Variants in KAZN observed in about 807,000 individuals in gnomAD.
The protein encoded by KAZN is kazrin.
Under a neutral mutation model 87.4 loss-of-function variants are expected in KAZN, and 40 were observed. The observed-to-expected ratio is 0.46, with a 90% CI of 0.36 to 0.60. The LOEUF (loss-of-function observed/expected upper bound fraction) is 0.60, where lower values mean the gene tolerates loss of function less well. KAZN is among the 20% of genes least tolerant of loss of function. The pLI is 0.00. For missense variants in KAZN, 898 were observed against 1,073.9 expected (o/e 0.84, Z 2.29); for synonymous variants, 466 against 458.3 (o/e 1.02, Z -0.22).
At chr1:14,652,648 CCCATCCACCCACCCACCCACCCAT>C (rs1638510331) in intron 1 of KAZN, among the ~76,000 whole-genome samples, 2 of 56,210 alleles carry the variant, frequency 3.6e-5, no homozygotes, top group Non-Finnish European at 6.7e-5. Flanking sequence ...CATCCATCCA[CCCATCCACCCACCCACCCACCCAT>C]CCATCCACCC....
At chr1:14,629,659 G>A (rs969462206) in intron 1 of KAZN, among the ~76,000 whole-genome samples, 2 of 152,198 alleles carry the variant, frequency 1.3e-5, no homozygotes, top group African/African-American at 4.8e-5. Flanking sequence ...CCACTAGGTA[G>A]GAGCTCACTC....
At chr1:14,062,332 A>G (rs189812860) in intron 1 of KAZN, among the ~76,000 whole-genome samples, 237 of 152,278 alleles carry the variant, frequency 1.6e-3, no homozygotes, top group African/African-American at 5.5e-3. Flanking sequence ...TACTTTGGTT[A>G]AAGGCTTAAT....
At chr1:14,435,144 T>C (rs1275184918) in intron 2 of KAZN, among the ~76,000 whole-genome samples, 9 of 152,134 alleles carry the variant, frequency 5.9e-5, no homozygotes, top group Non-Finnish European at 8.8e-5. Flanking sequence ...CCCTCCAGCA[T>C]CGGTGGCGCT....
chr1:15,078,730 A>G (rs1484050390), intron 8 of KAZN, among the ~76,000 whole-genome samples: 1 of 152,316 alleles, frequency 6.6e-6, no homozygotes, highest in East Asian at 1.9e-4. Context: ...TGCAGCGCGC[A>G]TGCTGTTCCT....
At chr1:14,671,553 T>C (rs527613364) in intron 1 of KAZN, among the ~76,000 whole-genome samples, 2 of 152,304 alleles carry the variant, frequency 1.3e-5, no homozygotes, top group South Asian at 4.1e-4. Flanking sequence ...TCGTCAAGGC[T>C]ATGAGATAGG....
At chr1:14,215,487 T>C (rs2100471705) in intron 2 of KAZN, among the ~76,000 whole-genome samples, 1 of 152,314 alleles carries the variant, frequency 6.6e-6, no homozygotes, top group Middle Eastern at 3.4e-3. Flanking sequence ...GATTCAAAGG[T>C]CTACTAATAT....
intron 2 of KAZN, among the ~76,000 whole-genome samples, chr1:14,218,694 AAAT>A (rs775395769): frequency 4.6e-5 from 7 of 152,138 alleles, no homozygotes; most frequent in African/African-American, 9.7e-5. Flanking sequence ...TCATTTTTGA[AAAT>A]AATAACCACT....
chr1:14,694,589 T>C (rs1028626074), intron 1 of KAZN, among the ~76,000 whole-genome samples: 1 of 152,084 alleles, frequency 6.6e-6, no homozygotes, highest in Non-Finnish European at 1.5e-5. Context: ...CAAATGACCA[T>C]CTAGGAGGAA....
chr1:14,723,010 C>T (rs146310671), intron 1 of KAZN, among the ~76,000 whole-genome samples: 222 of 152,080 alleles, frequency 1.5e-3, no homozygotes, highest in Admixed American at 2.8e-3. Context: ...CCTGTGTTTC[C>T]AGCTGCTTGG....
At chr1:14,422,510 T>C (rs925647823) in intron 2 of KAZN, among the ~76,000 whole-genome samples, 1 of 152,254 alleles carries the variant, frequency 6.6e-6, no homozygotes, top group Non-Finnish European at 1.5e-5. Context: ...AGCAGTCATT[T>C]GTATTTTATT....
chr1:15,092,073 A>ATTTTTTTTTTTTTTTTTTTTTTTTTTG (rs58871336), intron 8 of KAZN, among the ~76,000 whole-genome samples: 1 of 75,486 alleles, frequency 1.3e-5, no homozygotes, highest in Admixed American at 1.4e-4. Flanking sequence ...TTTTTTTTTG[A>ATTTTTTTTTTTTTTTTTTTTTTTTTTG]TTTTTTTTTT....
Position 14,246,287 on chromosome 1 carries a change from A to G in KAZN, c.249+65695A>G, listed in dbSNP as rs550918516. On this transcript the variant is annotated intron_variant, in intron 2 of 16. Coordinates refer to the KAZN transcript ENST00000636203. ...GGACCACCATGGCACACATTTACCT[A>G]TGTGGCAAACCTGCACATCCTGAGC... 5.3e-5 allele frequency among the ~76,000 whole-genome samples: 8 copies of G among 152,242 alleles called. No individual in the cohort carries two copies. The South Asian group carries it at 1.2e-3, about 24-fold the overall frequency.
At chr1:14,945,912 T>G (rs531807273) in intron 1 of KAZN, 1 of 985,428 alleles carries the variant, frequency 1.0e-6, no homozygotes, top group South Asian at 4.7e-5. Context: ...AGGCATGCCC[T>G]GTGATGGCAT....
intron 4 of KAZN, 72 bp downstream of exon 4, chr1:15,044,231 C>T (rs1673231067): frequency 2.3e-6 from 3 of 1,291,688 alleles, no homozygotes; most frequent in Non-Finnish European, 3.1e-6. Context: ...GGACGTCTGG[C>T]ACCGACTCAC....
At chr1:15,050,001 AGAGT>A (rs1674125905) in intron 4 of KAZN, among the ~76,000 whole-genome samples, 1 of 151,572 alleles carries the variant, frequency 6.6e-6, no homozygotes, top group South Asian at 2.1e-4. Context: ...CCTGGATGAC[AGAGT>A]GAGACTCCAT....
At chr1:14,619,296 C>T (rs756897041) in intron 1 of KAZN, among the ~76,000 whole-genome samples, 4 of 151,862 alleles carry the variant, frequency 2.6e-5, no homozygotes, top group Admixed American at 6.6e-5. Context: ...CTCCTGGGCT[C>T]AAACAATCCT....
rs981044622 is a variant in KAZN at position 14,773,817 on chromosome 1, A to T, written c.226+174594A>T. Among the ~76,000 whole-genome samples the T allele has an allele frequency of 3.9e-5, 6 of 152,166 alleles. No homozygotes were observed. The highest frequency in any genetic ancestry group is 6.5e-5 in the Admixed American group (1 of 15,286). ...GCTGCGGCAGGTCCCAGCCCAGGCC[A>T]GGCCTGCTCTCCTCCCCTCCCCTCC... On this transcript the variant is annotated intron_variant, in intron 1 of 14. Transcript: ENST00000376030. The surrounding 1 kb of genome is among the most constrained non-coding windows in gnomAD (Gnocchi z 5.9).
chr1:14,580,636 G>A (rs1427003006), intron 2 of KAZN, among the ~76,000 whole-genome samples: 1 of 152,158 alleles, frequency 6.6e-6, no homozygotes, highest in Non-Finnish European at 1.5e-5. Flanking sequence ...TGGTGGGTGA[G>A]GATTAGGAGA....
At chr1:14,272,057 T>A (rs1651982157) in intron 2 of KAZN, among the ~76,000 whole-genome samples, 1 of 152,260 alleles carries the variant, frequency 6.6e-6, no homozygotes, top group Non-Finnish European at 1.5e-5. Flanking sequence ...ACGAAGCACC[T>A]AAAGTGTTTA....
Sources: allele counts gnomAD v4.1 joint callset (sites outside exome capture counted in the v4.1 genomes callset), GRCh38; gene constraint gnomAD v4.1.1; non-coding constraint Gnocchi (gnomAD v3.1); transcripts MANE v1.5; gene names NCBI Gene and HGNC (gene_info 2026-07-23, HGNC 2026-07-21).